Variants in RNASEH2B observed in about 807,000 individuals in gnomAD.
RNASEH2B encodes the protein Aicardi-Goutieres syndrome 2 protein.
A neutral mutation model predicts 45.0 loss-of-function variants in RNASEH2B; 36 were observed. The ratio of observed to expected loss-of-function variants is 0.80; its 90% CI spans 0.61 to 1.06. The LOEUF is 1.06. RNASEH2B is among the 50% of genes least tolerant of loss of function. The probability of loss-of-function intolerance (pLI) is 0.00; values close to 1 mark genes in which losing one functional copy is unlikely to be tolerated. For synonymous variants in RNASEH2B, 119 were observed against 125.7 expected (o/e 0.95, Z 0.35); for missense variants, 361 against 360.3 (o/e 1.00, Z -0.02).
At chr13:50,947,817 G>A (rs140189984) in intron 7 of RNASEH2B, among the ~76,000 whole-genome samples, 170 bp from the exon 8 acceptor site, 3 of 152,062 alleles carry the variant, frequency 2.0e-5, no homozygotes, top group Admixed American at 6.6e-5. Context: ...TAGTCTGACC[G>A]ATAGATATTA....
At chr13:50,961,822 G>GT (rs139317002) in intron 9 of RNASEH2B, among the ~76,000 whole-genome samples, 3,680 of 152,090 alleles carry the variant, frequency 0.024, 58 homozygotes, top group Non-Finnish European at 0.037. Context: ...TATGTGTGTG[G>GT]TTTTTTGTAG....
chr13:50,948,288 G>C, intron 8 of RNASEH2B: 1 of 638,418 alleles, frequency 1.6e-6, no homozygotes, highest in South Asian at 2.5e-5. Context: ...GTCAAGATTG[G>C]AATTATGGCT....
At chr13:50,923,369 T>A (rs1299138014) in intron 1 of RNASEH2B, among the ~76,000 whole-genome samples, 1 of 152,194 alleles carries the variant, frequency 6.6e-6, no homozygotes, top group African/African-American at 2.4e-5. Flanking sequence ...AGGAGATCCA[T>A]ACCTGTGTGT....
intron 1 of RNASEH2B, 95 bp downstream of exon 1, chr13:50,910,235 C>T: frequency 1.2e-6 from 1 of 833,768 alleles, no homozygotes; most frequent in East Asian, 3.4e-5. Context: ...GTGGCTCCCA[C>T]TACCCGGCCC....
At chr13:50,943,714 C>T (rs1477894212) in intron 6 of RNASEH2B, among the ~76,000 whole-genome samples, 1 of 152,114 alleles carries the variant, frequency 6.6e-6, no homozygotes, top group African/African-American at 2.4e-5. Flanking sequence ...ACTTGTTGGC[C>T]ACTGTCAGTC....
Position 50,956,486 on chromosome 13 carries a change from T to C in RNASEH2B, c.*12T>C, listed in dbSNP as rs773052815. 8.2e-6 allele frequency: 13 copies of C among 1,590,706 alleles called. No individual in the cohort carries two copies. Among genetic ancestry groups the C allele is most frequent in the Admixed American group, 6.9e-5 (4 of 58,198 alleles). On this transcript the variant is annotated 3_prime_UTR_variant, in exon 11 of 11. Coordinates refer to ENST00000336617, the MANE Select transcript of RNASEH2B (RefSeq NM_024570.4). ...TTGGAAAGGTTTGAAACTTTGAAAA[T>C]AAAATCTAGCAAAAATATTTGCTTT...
chr13:50,964,968 TC>T (rs1952150315), intron 9 of RNASEH2B, among the ~76,000 whole-genome samples: 1 of 152,124 alleles, frequency 6.6e-6, no homozygotes, highest in Non-Finnish European at 1.5e-5. Flanking sequence ...CTCAGTACTC[TC>T]CATACCATTT....
intron 8 of RNASEH2B, 181 bp downstream of exon 8, chr13:50,948,249 A>C (rs1430841864): frequency 1.1e-6 from 1 of 929,212 alleles, no homozygotes; most frequent in Non-Finnish European, 1.5e-6. Context: ...AACTGATTTG[A>C]TGGATACGGA....
At chr13:50,935,044 C>A (rs752480002) in intron 5 of RNASEH2B, 45 bp downstream of exon 5, 3 of 1,283,000 alleles carry the variant, frequency 2.3e-6, no homozygotes, top group African/African-American at 1.5e-5. Context: ...AAGGATGGAC[C>A]TTGCCTAAGA....
At chr13:50,954,253 G>A (rs1952015591) in intron 10 of RNASEH2B, 1 of 544,696 alleles carries the variant, frequency 1.8e-6, no homozygotes, top group South Asian at 2.8e-5. Flanking sequence ...GTGATAGGGT[G>A]GGAAAGGAGG....
chr13:50,942,089 C>T (rs1397590795), intron 5 of RNASEH2B: 1 of 152,170 alleles, frequency 6.6e-6, no homozygotes, highest in Non-Finnish European at 1.5e-5. Context: ...CTATATAACT[C>T]AGAGGTGGTA....
At chr13:50,922,700 T>G (rs778509478) in intron 1 of RNASEH2B, among the ~76,000 whole-genome samples, 32 of 152,232 alleles carry the variant, frequency 2.1e-4, no homozygotes, top group Non-Finnish European at 4.6e-4. Flanking sequence ...GAGAGTCTGA[T>G]TTCCAGAATT....
At chr13:50,962,491 A>AT (rs1205267036) in intron 9 of RNASEH2B, among the ~76,000 whole-genome samples, 1 of 152,164 alleles carries the variant, frequency 6.6e-6, no homozygotes, top group Non-Finnish European at 1.5e-5. Context: ...ATTTATTGGC[A>AT]TAAGTTGTTC....
intron 1 of RNASEH2B, among the ~76,000 whole-genome samples, chr13:50,917,054 C>CG (rs1379775657): frequency 6.6e-6 from 1 of 152,172 alleles, no homozygotes; most frequent in Non-Finnish European, 1.5e-5. Flanking sequence ...GGTCTCTCCT[C>CG]TTAGTTCCAG....
chr13:50,963,051 TC>T (rs1952126738), intron 9 of RNASEH2B, among the ~76,000 whole-genome samples: 1 of 152,118 alleles, frequency 6.6e-6, no homozygotes, highest in Non-Finnish European at 1.5e-5. Context: ...TTTTTTATGT[TC>T]CATTTTTAGA....
intron 8 of RNASEH2B, 67 bp from the exon 9 acceptor site, chr13:50,949,396 G>A: frequency 8.4e-6 from 12 of 1,430,986 alleles, no homozygotes; most frequent in Non-Finnish European, 1.2e-5. Flanking sequence ...TCTTAAGTTG[G>A]CCCTGTCTTT....
At chr13:50,911,528 G>C (rs1158193771) in intron 1 of RNASEH2B, 1 of 152,186 alleles carries the variant, frequency 6.6e-6, no homozygotes, top group Non-Finnish European at 1.5e-5. Flanking sequence ...TGGAATGGCT[G>C]GTTCTAGTAC....
At chr13:50,926,812 T>A (rs1183439853) in intron 1 of RNASEH2B, among the ~76,000 whole-genome samples, 2 of 142,806 alleles carry the variant, frequency 1.4e-5, no homozygotes, top group African/African-American at 5.3e-5. Flanking sequence ...ATCCTTAGTA[T>A]ATAAAGATAC....
chr13:50,970,144 C>T (rs550602087), exon 10 of RNASEH2B: 3 of 676,314 alleles, frequency 4.4e-6, no homozygotes, highest in South Asian at 1.7e-5. Context: ...ATGTGGGCAG[C>T]GGCATTCCTC....
Sources: gnomAD v4.1 joint callset for allele counts (sites outside exome capture counted in the v4.1 genomes callset) on GRCh38, gnomAD v4.1.1 for gene constraint, MANE v1.5 for transcripts, NCBI Gene and HGNC (gene_info 2026-07-23, HGNC 2026-07-21) for gene names.